The following ABCB5 variants were observed in gnomAD, a reference collection of about 807,000 sequenced individuals.
ABCB5 encodes the protein ATP binding cassette subfamily B member 5.
A neutral mutation model predicts 144.2 loss-of-function variants in ABCB5; 155 were observed. The ratio of observed to expected loss-of-function variants is 1.08; its 90% CI spans 0.94 to 1.23. The LOEUF (loss-of-function observed/expected upper bound fraction) is 1.23, where lower values mean the gene tolerates loss of function less well. Ranked by LOEUF, ABCB5 falls within the 50% of genes most tolerant of loss-of-function variation. The probability of loss-of-function intolerance (pLI) is 0.00; values close to 1 mark genes in which losing one functional copy is unlikely to be tolerated. For missense variants in ABCB5, 1,830 were observed against 1,520.8 expected (o/e 1.20, Z -3.38); for synonymous variants, 610 against 528.6 (o/e 1.15, Z -2.11).
intron 27 of ABCB5, among the ~76,000 whole-genome samples, chr7:20,754,924 T>C (rs1290790114): frequency 6.6e-6 from 1 of 152,160 alleles, no homozygotes; most frequent in Non-Finnish European, 1.5e-5. Context: ...CCACTGAAAG[T>C]CTTACATAAT....
At chr7:20,675,550 A>G (rs186102820) in intron 14 of ABCB5, among the ~76,000 whole-genome samples, 2 of 152,230 alleles carry the variant, frequency 1.3e-5, no homozygotes, top group Admixed American at 1.3e-4. Flanking sequence ...TGAAACTGTA[A>G]AACTCTTAGA....
chr7:20,704,692 G>T lies in ABCB5; in HGVS notation c.2338-32G>T. ...AAGTCAGATAAAAAAAATGATTTTT[G>T]ACAACCATATGTTAATTCTCCTTTT... is the stretch of plus-strand genomic sequence containing the variant. On this transcript the variant is annotated intron_variant, in intron 19 of 27. Transcript: ENST00000404938. 2.5e-6 allele frequency: 4 copies of T among 1,569,038 alleles called. No individual in the cohort carries two copies. The South Asian group carries it at 4.6e-5, about 18-fold the overall frequency.
rs756158660 is a variant in ABCB5, at chr7:20,643,179, T to G, written c.315-5T>G. On this transcript the variant is annotated splice_region_variant and splice_polypyrimidine_tract_variant and intron_variant, in intron 5 of 27. Coordinates refer to ENST00000404938, the MANE Select transcript of ABCB5 (RefSeq NM_001163941.2). ...CAGTCTCACATTCTAATACTCTTTC[T>G]TCAGGTTGACCCTGTATTATGTTGG... The G allele has an allele frequency of 4.4e-6, 7 of 1,600,098 alleles. No individual in the cohort carries two copies. In the Admixed American group the frequency reaches 1.0e-4, roughly 23 times the overall value.
intron 20 of ABCB5, among the ~76,000 whole-genome samples, chr7:20,705,550 C>CT: frequency 6.6e-6 from 1 of 152,108 alleles, no homozygotes; most frequent in East Asian, 1.9e-4. Flanking sequence ...CTTTCTATTT[C>CT]TGTTAAAATA....
At chr7:20,733,730 C>G (rs1782297392) in intron 23 of ABCB5, among the ~76,000 whole-genome samples, 1 of 151,890 alleles carries the variant, frequency 6.6e-6, no homozygotes, top group Non-Finnish European at 1.5e-5. Flanking sequence ...ACTCCGCTTC[C>G]TGGATTCAAG....
chr7:20,711,780 C>CTTTCTTTCTTTCTTTT (rs1339970873), intron 20 of ABCB5, among the ~76,000 whole-genome samples: 271 of 25,800 alleles, frequency 0.011, 35 homozygotes, highest in Non-Finnish European at 0.016. Flanking sequence ...CCTTCTTTCT[C>CTTTCTTTCTTTCTTTT]TTTCTTTCTT....
chr7:20,710,120 C>T (rs1472312137), intron 20 of ABCB5, among the ~76,000 whole-genome samples: 1 of 147,656 alleles, frequency 6.8e-6, no homozygotes, highest in Non-Finnish European at 1.5e-5. Flanking sequence ...GTAATCCCAG[C>T]ACCCAGCACT....
chr7:20,668,580 G>A (rs1451660002), intron 14 of ABCB5, among the ~76,000 whole-genome samples: 1 of 147,968 alleles, frequency 6.8e-6, no homozygotes, highest in Admixed American at 6.7e-5. Context: ...CACCCCGTCC[G>A]GGAGGGAGGT....
intron 5 of ABCB5, among the ~76,000 whole-genome samples, chr7:20,642,130 C>A (rs923388912): frequency 2.6e-5 from 4 of 152,152 alleles, no homozygotes; most frequent in African/African-American, 9.7e-5. Context: ...AAAAGTTGAA[C>A]AGATAATGCC....
chr7:20,636,872 G>A (rs1410764515), intron 5 of ABCB5, among the ~76,000 whole-genome samples: 3 of 149,912 alleles, frequency 2.0e-5, no homozygotes, highest in Non-Finnish European at 4.4e-5. Context: ...TATTCAGTAT[G>A]TTAATATTTT....
At position 20,713,237 on chromosome 7, in the gene ABCB5, A is replaced by T. The variant is rs1216907812; in HGVS notation, c.2421+8430A>T. ...ATTTTGCCACTTTGCATGCCTGGGA[A>T]TTTTTTTTTTTTTCCAGACAGGGTC... On this transcript the variant is annotated intron_variant, in intron 20 of 27. Transcript: ENST00000404938. 5.7e-5 allele frequency among the ~76,000 whole-genome samples: 8 copies of T among 141,136 alleles called. 1 individual carries two copies. The East Asian group carries it at 1.7e-3, about 29-fold the overall frequency. The allele number at this position is 141,136 out of a possible 152,430, so 92.6% of individuals were successfully genotyped here.
At position 20,677,997 on chromosome 7, in the gene ABCB5, G is replaced by T. The variant is rs80348073; in HGVS notation, c.1708-3508G>T. 7.6e-4 allele frequency among the ~76,000 whole-genome samples: 116 copies of T among 152,258 alleles called. 4 individuals are homozygous for T. The East Asian group carries it at 0.018, about 24-fold the overall frequency. ...AGCAGAGCATTAAGCCAAGAGTCAT[G>T]CCCTTCTAAATCTTTCTTACTTTTA... On this transcript the variant is annotated intron_variant, in intron 14 of 27. Transcript: ENST00000404938.
Position 20,643,603 on chromosome 7 carries a change from A to G in ABCB5, c.649A>G (p.Ile217Val). 2 of 1,614,000 alleles carry G rather than the reference A, an allele frequency of 1.2e-6. No homozygotes were observed. The highest frequency in any genetic ancestry group is 1.7e-6 in the Non-Finnish European group (2 of 1,179,886). The part of the protein sequence containing the change: ...TLVTLSTSPL[I>V]MASAAACSRM... Reference sequence around the variant, plus strand: ...AGTGACTCTATCCACGTCTCCTCTTATAATGGCTTCAGCGGCAGCATGTTC... The same window carrying G: ...AGTGACTCTATCCACGTCTCCTCTTGTAATGGCTTCAGCGGCAGCATGTTC... The change falls in exon 7 of 28, where the codon ATA (isoleucine) becomes GTA (valine). Residue 217 changes from isoleucine (I) to valine (V), a missense_variant. Transcript: ENST00000404938.
intron 24 of ABCB5, among the ~76,000 whole-genome samples, chr7:20,739,985 A>G (rs1562587965): frequency 6.6e-6 from 1 of 152,198 alleles, no homozygotes; most frequent in African/African-American, 2.4e-5. Context: ...TAATCCCAGC[A>G]CTTTGGGAGG....
intron 11 of ABCB5, among the ~76,000 whole-genome samples, chr7:20,649,242 G>A (rs944364836): frequency 6.6e-6 from 1 of 152,010 alleles, no homozygotes; most frequent in African/African-American, 2.4e-5. Context: ...AACTTTTCTC[G>A]GCTTGGCCCT....
At chr7:20,665,305 C>T (rs751178576) in intron 14 of ABCB5, among the ~76,000 whole-genome samples, 2 of 152,008 alleles carry the variant, frequency 1.3e-5, no homozygotes, top group Non-Finnish European at 2.9e-5. Flanking sequence ...ATTTGTCATC[C>T]CCCTTGACAA....
chr7:20,694,426 T>G (rs1786338229), intron 16 of ABCB5, among the ~76,000 whole-genome samples: 3 of 152,082 alleles, frequency 2.0e-5, no homozygotes, highest in Admixed American at 6.6e-5. Context: ...CATCATTTTT[T>G]GATAACTCTC....
At chr7:20,651,781 GCT>G in intron 13 of ABCB5, 158 bp downstream of exon 13, 1 of 689,806 alleles carries the variant, frequency 1.4e-6, no homozygotes, top group Admixed American at 3.0e-5. Flanking sequence ...GCACAAGATG[GCT>G]TTGAATGAGG....
intron 24 of ABCB5, among the ~76,000 whole-genome samples, chr7:20,739,432 C>T (rs1219952486): frequency 6.6e-6 from 1 of 151,938 alleles, no homozygotes; most frequent in Non-Finnish European, 1.5e-5. Context: ...TAAATGAAGG[C>T]TGTCTTTGGA....
Sources: allele counts gnomAD v4.1 joint callset (sites outside exome capture counted in the v4.1 genomes callset), GRCh38; gene constraint gnomAD v4.1.1; transcripts MANE v1.5; gene names NCBI Gene and HGNC (gene_info 2026-07-23, HGNC 2026-07-21).